The following TTLL1 variants were observed in gnomAD, a reference collection of about 807,000 sequenced individuals.
TTLL1 encodes TTL family tubulin polyglutamylase complex subunit L1.
Under a neutral mutation model 47.8 loss-of-function variants are expected in TTLL1, and 33 were observed. The observed-to-expected ratio is 0.69, with a 90% CI of 0.52 to 0.92. The LOEUF (loss-of-function observed/expected upper bound fraction) is 0.92, where lower values mean the gene tolerates loss of function less well. Ranked by LOEUF, TTLL1 falls within the 40% of genes least tolerant of loss-of-function variation. The pLI, the probability that TTLL1 is intolerant of heterozygous loss-of-function variation, is 0.00. For synonymous variants in TTLL1, 225 were observed against 214.1 expected (o/e 1.05, Z -0.45); for missense variants, 488 against 547.5 (o/e 0.89, Z 1.08).
At chr22:43,085,030 C>T (rs112979840) in intron 1 of TTLL1, among the ~76,000 whole-genome samples, 8,991 of 144,088 alleles carry the variant, frequency 0.062, 948 homozygotes, top group African/African-American at 0.22. Context: ...TGCAGTGGCG[C>T]GATCTCAGCT....
In TTLL1 at chr22:43,054,900, A is replaced by AT. The variant is rs780839897; in HGVS notation, c.892-3014dup. On this transcript the variant is annotated intron_variant, in intron 8 of 10. Transcript: ENST00000266254. Reference sequence around the variant, plus strand: ...CCACTACGCCTGGCTAATTTTTTGTATTTTTAGTAGAGATGGGGTTTCACC... The same window carrying AT: ...CCACTACGCCTGGCTAATTTTTTGTATTTTTTAGTAGAGATGGGGTTTCACC... Among the ~76,000 whole-genome samples the AT allele has an allele frequency of 6.7e-4, 100 of 149,644 alleles. 1 individual carries two copies. Among genetic ancestry groups the AT allele is most frequent in the Non-Finnish European group, 1.3e-3 (87 of 67,528 alleles).
At chr22:43,040,230 G>T (rs1031569793) in intron 10 of TTLL1, 48 of 235,928 alleles carry the variant, frequency 2.0e-4, no homozygotes, top group African/African-American at 1.0e-3. Context: ...GACTCCAAAG[G>T]CAACATGCAT....
intron 8 of TTLL1, among the ~76,000 whole-genome samples, chr22:43,059,172 T>A (rs976537960): frequency 2.6e-5 from 4 of 151,580 alleles, no homozygotes; most frequent in Non-Finnish European, 5.9e-5. Context: ...GTATTTTTAG[T>A]AGAAACAGGG....
At chr22:43,044,901 C>G (rs532857894) in intron 10 of TTLL1, among the ~76,000 whole-genome samples, 1 of 150,990 alleles carries the variant, frequency 6.6e-6, no homozygotes, top group South Asian at 2.1e-4. Flanking sequence ...CTCACTCTGT[C>G]GCCCAGGCTG....
chr22:43,084,011 G>C (rs1292726152), intron 1 of TTLL1, among the ~76,000 whole-genome samples: 1 of 152,086 alleles, frequency 6.6e-6, no homozygotes, highest in African/African-American at 2.4e-5. Context: ...TTACCAAATT[G>C]CTACTCTGTG....
At chr22:43,046,313 A>T in intron 10 of TTLL1, 97 bp downstream of exon 10, 1 of 1,394,724 alleles carries the variant, frequency 7.2e-7, no homozygotes, top group Non-Finnish European at 1.0e-6. Context: ...CTGCCCAAAT[A>T]AGGAGAATCC....
At chr22:43,085,467 C>T (rs957562552) in intron 1 of TTLL1, among the ~76,000 whole-genome samples, 1 of 152,140 alleles carries the variant, frequency 6.6e-6, no homozygotes, top group African/African-American at 2.4e-5. Context: ...TGGAGATAAA[C>T]GAATCATGGG....
In TTLL1 at chr22:43,073,021, CT is replaced by C. The variant is rs907361570; in HGVS notation, c.113+2452del. Among the ~76,000 whole-genome samples the C allele has an allele frequency of 6.5e-3, 938 of 144,738 alleles. 5 individuals are homozygous for C. The highest frequency in any genetic ancestry group is 0.033 in the Middle Eastern group (9 of 270). 95.0% of individuals were successfully genotyped at this position (144,738 alleles called of 152,430 possible). Reference sequence around the variant, plus strand: ...TAAGTTTCAATTCATTGCAATTATTCTTTTTTTTTTTTTGAGACAGTCTTGC... The same window carrying C: ...TAAGTTTCAATTCATTGCAATTATTCTTTTTTTTTTTTGAGACAGTCTTGC... On this transcript the variant is annotated intron_variant, in intron 3 of 10. Coordinates refer to ENST00000266254, the MANE Select transcript of TTLL1 (RefSeq NM_012263.5).
intron 8 of TTLL1, among the ~76,000 whole-genome samples, chr22:43,058,341 C>G (rs1279101862): frequency 6.6e-6 from 1 of 152,044 alleles, no homozygotes; most frequent in Non-Finnish European, 1.5e-5. Flanking sequence ...CACGGTAAAA[C>G]AAAACACGAA....
intron 1 of TTLL1, among the ~76,000 whole-genome samples, chr22:43,086,968 T>C (rs2146998542): frequency 6.6e-6 from 1 of 152,294 alleles, no homozygotes; most frequent in African/African-American, 2.4e-5. Context: ...GCCCTGCAGA[T>C]CTGGACCATC....
Position 43,075,506 on chromosome 22 carries a change from T to A in TTLL1, c.81A>T (p.Gln27His). The A allele has an allele frequency of 6.2e-7, 1 of 1,614,222 alleles. No individual in the cohort carries two copies. Among genetic ancestry groups the A allele is most frequent in the South Asian group, 1.1e-5 (1 of 91,084 alleles). Residue 27 changes from glutamine (Q) to histidine (H), a missense_variant, in exon 3 of 11, where the codon CAA becomes CAT. Coordinates refer to ENST00000266254, the MANE Select transcript of TTLL1 (RefSeq NM_012263.5). ...INNFEKRGWVQVTENEDWNFY... is the reference protein window; with the variant it reads ...INNFEKRGWVHVTENEDWNFY... ...AATTCCAGTCCTCGTTTTCTGTCAC[T>A]TGGACCCATCCTCTCTTTTCAAAGT...
Position 43,042,247 on chromosome 22 carries a change from C to T in TTLL1, c.1143-2342G>A, listed in dbSNP as rs138869847. 2.0e-3 allele frequency among the ~76,000 whole-genome samples: 301 copies of T among 152,266 alleles called. 2 individuals carry two copies. The highest frequency in any genetic ancestry group is 6.8e-3 in the Middle Eastern group (2 of 294). The stretch of plus-strand genomic sequence containing the variant: ...GGACCACATATGGTGACCGGTTTCA[C>T]GGAGCACTTGTGCTGATCTGTGTGG... On this transcript the variant is annotated intron_variant, in intron 10 of 10. Transcript: ENST00000266254.
chr22:43,063,759 C>T, intron 7 of TTLL1, 54 bp downstream of exon 7: 2 of 1,566,406 alleles, frequency 1.3e-6, no homozygotes, highest in Non-Finnish European at 1.8e-6. Context: ...AGCCACCACA[C>T]CCGGCCTGAA....
chr22:43,056,653 C>T (rs776077043), intron 8 of TTLL1, among the ~76,000 whole-genome samples: 13 of 151,464 alleles, frequency 8.6e-5, no homozygotes, highest in East Asian at 5.9e-4. Flanking sequence ...GGTATGGTGA[C>T]GCGCACCTGT....
At chr22:43,069,299 G>A (rs898979410) in intron 4 of TTLL1, among the ~76,000 whole-genome samples, 4 of 151,264 alleles carry the variant, frequency 2.6e-5, no homozygotes, top group African/African-American at 9.7e-5. Flanking sequence ...GGCTGAGGCA[G>A]GAGAATTGCT....
intron 7 of TTLL1, among the ~76,000 whole-genome samples, chr22:43,062,062 A>C (rs966547249): frequency 2.0e-5 from 3 of 152,148 alleles, no homozygotes; most frequent in Non-Finnish European, 4.4e-5. Flanking sequence ...GTAGGTACTA[A>C]GGTAGGCTTT....
At chr22:43,077,881 C>A (rs9623749) in intron 2 of TTLL1, among the ~76,000 whole-genome samples, 2 of 152,088 alleles carry the variant, frequency 1.3e-5, no homozygotes, top group South Asian at 4.1e-4. Flanking sequence ...CCGAGGCAGG[C>A]GGATCACTTG....
chr22:43,070,207 C>A (rs1928023666), intron 3 of TTLL1: 2 of 1,337,448 alleles, frequency 1.5e-6, no homozygotes, highest in Non-Finnish European at 2.0e-6. Flanking sequence ...CTCATTTAAA[C>A]AGGATCTGTA....
At chr22:43,072,842 GC>G (rs1928217349) in intron 3 of TTLL1, among the ~76,000 whole-genome samples, 1 of 151,084 alleles carries the variant, frequency 6.6e-6, no homozygotes, top group South Asian at 2.1e-4. Context: ...CAAACTCCTC[GC>G]AAGGTGCTGG....
Sources: allele counts gnomAD v4.1 joint callset (sites outside exome capture counted in the v4.1 genomes callset), GRCh38; gene constraint gnomAD v4.1.1; transcripts MANE v1.5; gene names NCBI Gene and HGNC (gene_info 2026-07-23, HGNC 2026-07-21).